Variants in SERPINB5 observed in about 807,000 individuals in gnomAD.
SERPINB5 encodes serpin B5.
A neutral mutation model predicts 32.2 loss-of-function variants in SERPINB5; 27 were observed. The observed-to-expected ratio is 0.84, with a 90% confidence interval of 0.62 to 1.16. SERPINB5 has a LOEUF of 1.16. Among genes scored for constraint, SERPINB5 ranks in the 50% most tolerant of loss-of-function variants. SERPINB5 has a pLI of 0.00. For synonymous variants in SERPINB5, 154 were observed against 157.4 expected (o/e 0.98, Z 0.16); for missense variants, 388 against 436.3 (o/e 0.89, Z 0.99).
chr18:63,504,950 T>A lies in SERPINB5; in HGVS notation c.*1228T>A, dbSNP rs906538119. On this transcript the variant is annotated 3_prime_UTR_variant, in exon 7 of 7. Transcript: ENST00000382771. ...ATGGATTACTTCTCTATAAAAAATATGTATTTACCAAAAATTTTGTGACAT... is the reference window on the plus strand; with the variant it reads ...ATGGATTACTTCTCTATAAAAAATAAGTATTTACCAAAAATTTTGTGACAT... 3 of 86,050 alleles carry A rather than the reference T, an allele frequency of 3.5e-5. No homozygotes were observed. Among genetic ancestry groups the A allele is most frequent in the Non-Finnish European group, 8.2e-5 (3 of 36,414 alleles). 5.3% of individuals were successfully genotyped at this position (86,050 alleles called of 1,614,324 possible).
rs552854499 is a variant in SERPINB5 at position 63,498,486 on chromosome 18, T to C, written c.568-634T>C. On this transcript the variant is annotated intron_variant, in intron 5 of 6. Transcript: ENST00000382771. The surrounding 1 kb of genome is among the most constrained non-coding windows in gnomAD (Gnocchi z 4.2). The stretch of plus-strand genomic sequence containing the variant: ...CACCAGGAATAGTTTAAAGATCTCA[T>C]AGGCATCTGTAAAGAATAACAAACG... Among the ~76,000 whole-genome samples the C allele has an allele frequency of 1.5e-3, 235 of 152,324 alleles. No individual in the cohort carries two copies. Among genetic ancestry groups the C allele is most frequent in the Middle Eastern group, 0.014 (4 of 294 alleles).
chr18:63,488,445 C>T (rs1917247729), intron 3 of SERPINB5, among the ~76,000 whole-genome samples: 1 of 152,096 alleles, frequency 6.6e-6, no homozygotes, highest in South Asian at 2.1e-4. Context: ...CTCTGTTGCC[C>T]AGGCTGGGGT....
chr18:63,482,476 G>A (rs946003173), intron 1 of SERPINB5, among the ~76,000 whole-genome samples: 6 of 152,150 alleles, frequency 3.9e-5, no homozygotes, highest in African/African-American at 7.2e-5. Context: ...TGCTCACCCC[G>A]GGGTAGTAAT....
intron 4 of SERPINB5, among the ~76,000 whole-genome samples, chr18:63,490,020 G>C (rs1909289700): frequency 6.6e-6 from 1 of 152,130 alleles, no homozygotes; most frequent in Non-Finnish European, 1.5e-5. Context: ...GTGAAACCCT[G>C]TCTCTACTAA....
Position 63,504,125 on chromosome 18 carries a change from C to T in SERPINB5, c.*403C>T, listed in dbSNP as rs557523243. On this transcript the variant is annotated 3_prime_UTR_variant, in exon 7 of 7. Transcript: ENST00000382771. ...GGATAGAGAATGTTCCAGACATTCT[C>T]GCTTCCCTGAAAGACTGAAGAAAGT... is the stretch of plus-strand genomic sequence containing the variant. 18 of 197,798 alleles carry T rather than the reference C, an allele frequency of 9.1e-5. No individual in the cohort carries two copies. The South Asian group carries it at 1.4e-3, about 16-fold the overall frequency. 12.3% of individuals were successfully genotyped at this position (197,798 alleles called of 1,614,324 possible). A position where few individuals can be genotyped will look rare whatever the true frequency, so the allele number is the denominator to read the frequency against.
Position 63,487,206 on chromosome 18 carries a change from G to A in SERPINB5, c.306+123G>A, listed in dbSNP as rs1215562723. On this transcript the variant is annotated intron_variant, in intron 3 of 6. Transcript: ENST00000382771. ...CTAGGATGTTCACTTGTGATTTGAG[G>A]CTTTAAATAAATAAATCCTAGTGGA... 4.3e-6 allele frequency: 4 copies of A among 939,220 alleles called. No individual in the cohort carries two copies. In the African/African-American group the frequency reaches 5.0e-5, roughly 12 times the overall value. 58.2% of individuals were successfully genotyped at this position (939,220 alleles called of 1,614,324 possible).
At chr18:63,489,905 A>G (rs1473641251) in intron 4 of SERPINB5, among the ~76,000 whole-genome samples, 1 of 151,434 alleles carries the variant, frequency 6.6e-6, no homozygotes, top group Non-Finnish European at 1.5e-5. Context: ...ATGTAAAAGA[A>G]AAACCGGCTG....
chr18:63,489,782 C>T (rs904257937), intron 4 of SERPINB5, among the ~76,000 whole-genome samples: 15 of 152,146 alleles, frequency 9.9e-5, no homozygotes, highest in Non-Finnish European at 1.8e-4. Flanking sequence ...AATCATGAGG[C>T]CATTTTTCAG....
intron 2 of SERPINB5, chr18:63,485,666 G>A (rs1023302915): frequency 1.2e-4 from 18 of 152,206 alleles, no homozygotes; most frequent in Admixed American, 3.9e-4. Flanking sequence ...GAGAACTTCC[G>A]GGTAGTGGGT....
chr18:63,500,231 C>CTTTT (rs58217010), intron 6 of SERPINB5, among the ~76,000 whole-genome samples: 27 of 139,960 alleles, frequency 1.9e-4, no homozygotes, highest in Non-Finnish European at 2.3e-4. Context: ...CTATGCCTGG[C>CTTTT]TTTTTTTTTT....
intron 5 of SERPINB5, among the ~76,000 whole-genome samples, chr18:63,494,446 A>G (rs1350870437): frequency 1.3e-5 from 2 of 151,672 alleles, no homozygotes; most frequent in South Asian, 2.1e-4. Flanking sequence ...TGATGATGTG[A>G]TGTGGTCTCC....
intron 1 of SERPINB5, among the ~76,000 whole-genome samples, chr18:63,481,426 T>G (rs2144492802): frequency 6.6e-6 from 1 of 152,340 alleles, no homozygotes; most frequent in East Asian, 1.9e-4. Flanking sequence ...GCAAAATTAT[T>G]CTAGTTTCTC....
intron 5 of SERPINB5, chr18:63,497,032 G>A (rs965226489): frequency 1.4e-5 from 8 of 554,668 alleles, no homozygotes; most frequent in South Asian, 4.1e-5. Flanking sequence ...GCTCTGATCC[G>A]CTGTTGTACT....
chr18:63,489,395 G>C lies in SERPINB5; in HGVS notation c.355G>C (p.Val119Leu). The change falls in exon 4 of 7, where the codon GTT (valine) becomes CTT (leucine). Residue 119 changes from valine (V) to leucine (L), a missense_variant. Physicochemically the swap from Val to Leu is conservative, Grantham distance 32. Transcript: ENST00000382771. Reference protein sequence around the residue: ...KRPYAKELETVDFKDKLEETK... With the variant: ...KRPYAKELETLDFKDKLEETK... ...ACCGTATGCAAAGGAATTGGAAACTGTTGACTTCAAAGATAAATTGGAAGA... is the reference window on the plus strand; with the variant it reads ...ACCGTATGCAAAGGAATTGGAAACTCTTGACTTCAAAGATAAATTGGAAGA... The C allele has an allele frequency of 6.2e-7, 1 of 1,613,380 alleles. No individual in the cohort carries two copies. The highest frequency in any genetic ancestry group is 8.5e-7 in the Non-Finnish European group (1 of 1,179,686).
intron 3 of SERPINB5, among the ~76,000 whole-genome samples, chr18:63,489,088 T>C (rs1004658183): frequency 1.3e-5 from 2 of 152,232 alleles, no homozygotes; most frequent in Non-Finnish European, 2.9e-5. Context: ...TGGGCATATT[T>C]AACATAGTGT....
chr18:63,495,649 A>G (rs564921324), intron 5 of SERPINB5, among the ~76,000 whole-genome samples: 1 of 152,362 alleles, frequency 6.6e-6, no homozygotes, highest in African/African-American at 2.4e-5. Context: ...TCATTAAGAA[A>G]GTATTAACGT....
chr18:63,489,072 G>T (rs1367807535), intron 3 of SERPINB5, among the ~76,000 whole-genome samples: 1 of 152,024 alleles, frequency 6.6e-6, no homozygotes, highest in Non-Finnish European at 1.5e-5. Context: ...CAACCCATAA[G>T]AGAATTGGGC....
chr18:63,491,561 G>A (rs1038836468), intron 4 of SERPINB5, among the ~76,000 whole-genome samples: 3 of 150,444 alleles, frequency 2.0e-5, no homozygotes, highest in Admixed American at 1.3e-4. Context: ...TGTAACCTCC[G>A]CCTCCCAGGT....
Position 63,503,803 on chromosome 18 carries a change from T to C in SERPINB5, c.*81T>C. On this transcript the variant is annotated 3_prime_UTR_variant, in exon 7 of 7. Transcript: ENST00000382771. ...AAACTCTGCATCCAGAGATTCATTT[T>C]CTAGATACAATAAATTGCTAATGTT... The C allele has an allele frequency of 1.4e-6, 2 of 1,413,056 alleles. No individual in the cohort carries two copies. Among genetic ancestry groups the C allele is most frequent in the Admixed American group, 2.0e-5 (1 of 50,390 alleles). The allele number at this position is 1,413,056 out of a possible 1,614,324, so 87.5% of individuals were successfully genotyped here.
Sources: gnomAD v4.1 joint callset for allele counts (sites outside exome capture counted in the v4.1 genomes callset) on GRCh38, gnomAD v4.1.1 for gene constraint, Gnocchi (gnomAD v3.1) non-coding constraint, MANE v1.5 for transcripts, NCBI Gene and HGNC (gene_info 2026-07-23, HGNC 2026-07-21) for gene names.